The following AFG2A variants were observed in gnomAD, a reference collection of about 807,000 sequenced individuals.
AFG2A encodes ATPase family gene 2 protein homolog A.
the AFG2A span, among the ~76,000 whole-genome samples, chr4:123,255,404 C>T: frequency 1.3e-5 from 2 of 151,988 alleles, no homozygotes; most frequent in Non-Finnish European, 2.9e-5. Context: ...GTAGTCCCAG[C>T]CACTAGGGAG....
At chr4:123,216,366 T>C in the AFG2A span, among the ~76,000 whole-genome samples, 1 of 152,196 alleles carries the variant, frequency 6.6e-6, no homozygotes, top group Non-Finnish European at 1.5e-5. Context: ...AAATTCTATT[T>C]TTAAAACTTT....
At chr4:123,029,795 A>T in the AFG2A span, among the ~76,000 whole-genome samples, 2 of 152,034 alleles carry the variant, frequency 1.3e-5, no homozygotes, top group Admixed American at 1.3e-4. Flanking sequence ...GAGCCATCAC[A>T]CCAGCTAACT....
the AFG2A span, among the ~76,000 whole-genome samples, chr4:122,950,885 C>T: frequency 0.43 from 65,232 of 152,044 alleles, 16,925 homozygotes; most frequent in Non-Finnish European, 0.57. Flanking sequence ...TTCCTGTGCA[C>T]GGGTAAGACA....
At chr4:123,250,934 A>C in the AFG2A span, among the ~76,000 whole-genome samples, 24 of 152,280 alleles carry the variant, frequency 1.6e-4, no homozygotes, top group African/African-American at 5.3e-4. Flanking sequence ...ACTCATTCAG[A>C]GTTCTACAGG....
the AFG2A span, chr4:122,923,083 A>G: frequency 6.2e-7 from 1 of 1,602,662 alleles, no homozygotes; most frequent in Admixed American, 1.7e-5. Flanking sequence ...TTTTTCTCTC[A>G]GTTGAAGCGC....
chr4:123,277,582 TG>T, the AFG2A span, among the ~76,000 whole-genome samples: 1 of 152,222 alleles, frequency 6.6e-6, no homozygotes, highest in Non-Finnish European at 1.5e-5. Flanking sequence ...TTCCATCTTT[TG>T]CCCATTCAGT....
the AFG2A span, among the ~76,000 whole-genome samples, chr4:123,061,935 C>A: frequency 1.3e-5 from 2 of 152,160 alleles, no homozygotes. Flanking sequence ...GAGGGATATC[C>A]TGTTAAATAT....
chr4:122,939,138 T>G, the AFG2A span, among the ~76,000 whole-genome samples: 1 of 128,484 alleles, frequency 7.8e-6, no homozygotes, highest in Non-Finnish European at 1.6e-5. Context: ...CAGGCTGGAG[T>G]GCAATGGCAC....
At chr4:123,054,956 A>G in the AFG2A span, among the ~76,000 whole-genome samples, 1 of 151,998 alleles carries the variant, frequency 6.6e-6, no homozygotes, top group Non-Finnish European at 1.5e-5. Flanking sequence ...CCTCCTAAAC[A>G]TCGTTTATAC....
chr4:122,924,132 T>C, the AFG2A span, among the ~76,000 whole-genome samples: 1 of 152,250 alleles, frequency 6.6e-6, no homozygotes, highest in East Asian at 1.9e-4. Flanking sequence ...ATTTTCACTC[T>C]GCCTTAGGTA....
chr4:123,293,137 G>A, the AFG2A span, among the ~76,000 whole-genome samples: 1 of 152,170 alleles, frequency 6.6e-6, no homozygotes, highest in Non-Finnish European at 1.5e-5. Context: ...GAGGGATTGT[G>A]AACCTACCCC....
the AFG2A span, among the ~76,000 whole-genome samples, chr4:123,123,275 A>T: frequency 6.6e-6 from 1 of 152,178 alleles, no homozygotes; most frequent in Non-Finnish European, 1.5e-5. Context: ...TAATAATATC[A>T]TATAATGTTT....
chr4:123,248,527 A>G, the AFG2A span, among the ~76,000 whole-genome samples: 1 of 152,186 alleles, frequency 6.6e-6, no homozygotes, highest in South Asian at 2.1e-4. Flanking sequence ...CCACACATGG[A>G]AAGATTTAAT....
chr4:123,297,228 A>G, the AFG2A span, among the ~76,000 whole-genome samples: 540 of 152,344 alleles, frequency 3.5e-3, 3 homozygotes, highest in African/African-American at 0.012. Flanking sequence ...AACTTTGACC[A>G]TAATCCATAC....
the AFG2A span, among the ~76,000 whole-genome samples, chr4:123,141,652 G>T: frequency 6.6e-6 from 1 of 152,150 alleles, no homozygotes; most frequent in Non-Finnish European, 1.5e-5. Context: ...TTTTGAGCTT[G>T]ATGGGTTTAT....
the AFG2A span, among the ~76,000 whole-genome samples, chr4:123,035,662 G>A: frequency 1.3e-5 from 2 of 152,014 alleles, no homozygotes; most frequent in Non-Finnish European, 1.5e-5. Flanking sequence ...GGCATCATAT[G>A]TTAAGACTAT....
chr4:123,201,318 A>T, the AFG2A span, among the ~76,000 whole-genome samples: 1 of 152,340 alleles, frequency 6.6e-6, no homozygotes, highest in African/African-American at 2.4e-5. Context: ...TAACTGGCTG[A>T]TGTTTAACAA....
chr4:123,017,900 A>G, the AFG2A span, among the ~76,000 whole-genome samples: 4 of 152,172 alleles, frequency 2.6e-5, no homozygotes, highest in African/African-American at 9.7e-5. Flanking sequence ...TGACTCATAG[A>G]TGTATAAAAA....
At chr4:123,317,857 T>G in the AFG2A span, 1 of 152,180 alleles carries the variant, frequency 6.6e-6, no homozygotes, top group Non-Finnish European at 1.5e-5. Context: ...AAATATGTGT[T>G]TATGGGGGCA....
Sources: gnomAD v4.1 joint callset for allele counts (sites outside exome capture counted in the v4.1 genomes callset) on GRCh38, gnomAD v4.1.1 for gene constraint, MANE v1.5 for transcripts, NCBI Gene and HGNC (gene_info 2026-07-23, HGNC 2026-07-21) for gene names.